Variants in ZNF552 observed in about 807,000 individuals in gnomAD.
ZNF552 encodes the protein zinc finger protein 552.
ZNF552 carries 2 observed loss-of-function variants against 7.2 expected under a neutral mutation model. The ratio of observed to expected loss-of-function variants is 0.28; its 90% CI spans 0.11 to 0.88. ZNF552 has a LOEUF of 0.88. ZNF552 is among the 40% of genes least tolerant of loss of function. ZNF552 has a pLI of 0.60. For synonymous variants in ZNF552, 173 were observed against 176.5 expected, an observed-to-expected ratio of 0.98 and a Z score of 0.16; for missense variants, 421 against 493.4, an observed-to-expected ratio of 0.85 and a Z score of 1.39.
At position 57,808,516 on chromosome 19, in the gene ZNF552, T is replaced by C; in HGVS notation, c.748A>G (p.Ser250Gly). The change falls in exon 3 of 3, where the codon AGC (serine) becomes GGC (glycine). Residue 250 changes from serine to glycine, a missense_variant. This residue lies in a region of ZNF552 where 299 missense variants were observed against 293.7 expected (regional missense o/e 1.02). Transcript: ENST00000391701. ...TGATTACTGAAGCTGTCATATTTGC[T>C]AGAGGATTTCCCACATTCACACCAC... ...SVWCECGKSS[S>G]KYDSFSNHQG... is the part of the protein sequence containing the mutation. The C allele has an allele frequency of 1.2e-6, 2 of 1,613,926 alleles. No homozygotes were observed. The highest frequency in any genetic ancestry group is 1.7e-6 in the Non-Finnish European group (2 of 1,179,832).
intron 2 of ZNF552, among the ~76,000 whole-genome samples, chr19:57,812,540 A>G (rs1220897303): frequency 6.6e-6 from 1 of 152,192 alleles, no homozygotes; most frequent in East Asian, 1.9e-4. Flanking sequence ...AACTCAGCAC[A>G]TGACAGCAGA....
At chr19:57,809,264 G>C (rs1263537863) in intron 2 of ZNF552, 161 bp from the exon 3 acceptor site, 3 of 1,503,660 alleles carry the variant, frequency 2.0e-6, no homozygotes, top group Non-Finnish European at 2.7e-6. Context: ...ATTATTACTG[G>C]ACTATAATGG....
chr19:57,814,278 G>A (rs1012407450), intron 1 of ZNF552: 7 of 590,982 alleles, frequency 1.2e-5, no homozygotes, highest in African/African-American at 1.1e-4. Flanking sequence ...GGGCCCCAAC[G>A]TCATCCCCTC....
At chr19:57,809,208 C>A (rs762648845) in intron 2 of ZNF552, 105 bp from the exon 3 acceptor site, 50 of 1,606,608 alleles carry the variant, frequency 3.1e-5, no homozygotes, top group Non-Finnish European at 4.2e-5. Context: ...CAAGGAAGTA[C>A]TTGGAGGAAC....
Position 57,807,438 on chromosome 19 carries a change from C to A in ZNF552, c.*602G>T, listed in dbSNP as rs1040463651. ...GGAGTGGTGGTGGTTGCCTGTAGTC[C>A]CAGCTATTAGGGAGGCTGAGGCAGG... is the stretch of plus-strand genomic sequence containing the variant. On this transcript the variant is annotated 3_prime_UTR_variant, in exon 3 of 3. Coordinates refer to ENST00000391701, the MANE Select transcript of ZNF552 (RefSeq NM_024762.3). The A allele has an allele frequency of 6.6e-6, 1 of 152,028 alleles. No individual in the cohort carries two copies. The highest frequency in any genetic ancestry group is 1.5e-5 in the Non-Finnish European group (1 of 68,070). 9.4% of individuals were successfully genotyped at this position (152,028 alleles called of 1,614,324 possible).
rs185254450 is a variant in ZNF552 at position 57,810,355 on chromosome 19, T to C, written c.161-1252A>G. ...TGGGGAAAAGAAAGAGAGATCAGAC[T>C]GTTACTGTGTCGATGTAGAAAGAAG... On this transcript the variant is annotated intron_variant, in intron 2 of 2. Transcript: ENST00000391701. 3.3e-3 allele frequency among the ~76,000 whole-genome samples: 496 copies of C among 152,214 alleles called. 3 individuals are homozygous for C. Among genetic ancestry groups the C allele is most frequent in the African/African-American group, 0.012 (484 of 41,542 alleles).
chr19:57,814,150 C>T (rs1319317281), intron 1 of ZNF552, among the ~76,000 whole-genome samples: 1 of 152,130 alleles, frequency 6.6e-6, no homozygotes, highest in Non-Finnish European at 1.5e-5. Context: ...GCTCAGGCCT[C>T]CCTGAACGCT....
At position 57,808,237 on chromosome 19, in the gene ZNF552, T is replaced by A; in HGVS notation, c.1027A>T (p.Lys343Ter). ...FTHSSTFRVH[K>*]RVHTGQKPYE... ...GGCTTCTGACCAGTGTGAACTCTCTTATGAACACGGAATGTAGAGCTGTGG... is the reference window on the plus strand; with the variant it reads ...GGCTTCTGACCAGTGTGAACTCTCTAATGAACACGGAATGTAGAGCTGTGG... The change falls in exon 3 of 3, where the codon AAG becomes TAG. Residue 343 changes from lysine to a stop codon, truncating the protein, a stop_gained. Coordinates refer to ENST00000391701, the MANE Select transcript of ZNF552 (RefSeq NM_024762.3). LOFTEE classifies it low-confidence loss of function (END_TRUNC). 1 of 1,614,062 alleles carries A rather than the reference T, an allele frequency of 6.2e-7. No homozygotes were observed. The highest frequency in any genetic ancestry group is 8.5e-7 in the Non-Finnish European group (1 of 1,180,008).
rs574059277 is a variant in ZNF552, at chr19:57,813,579, A to G, written c.34-159T>C. On this transcript the variant is annotated intron_variant, in intron 1 of 2. Transcript: ENST00000391701. Reference sequence around the variant, plus strand: ...TCATGGGGTACAGCCACCAACAACAATAGTTAGTTGAACAAATAGGTATCT... The same window carrying G: ...TCATGGGGTACAGCCACCAACAACAGTAGTTAGTTGAACAAATAGGTATCT... 3.9e-5 allele frequency among the ~76,000 whole-genome samples: 6 copies of G among 152,142 alleles called. No individual in the cohort carries two copies. The South Asian group carries it at 1.2e-3, about 32-fold the overall frequency.
intron 1 of ZNF552, 87 bp downstream of exon 1, chr19:57,814,624 G>A (rs60708695): frequency 4.4e-6 from 7 of 1,608,642 alleles, no homozygotes; most frequent in Non-Finnish European, 5.9e-6. Flanking sequence ...CCGGGTTGCA[G>A]AGCCGTAAAC....
At position 57,807,657 on chromosome 19, in the gene ZNF552, T is replaced by G. The variant is rs972226323; in HGVS notation, c.*383A>C. The G allele has an allele frequency of 1.6e-5, 3 of 184,388 alleles. No homozygotes were observed. The highest frequency in any genetic ancestry group is 3.4e-5 in the Non-Finnish European group (3 of 88,538). 11.4% of individuals were successfully genotyped at this position (184,388 alleles called of 1,614,324 possible). ...ATTTTTGAAACAGGGTCTCACTCTG[T>G]GGTCCAGACTGGACTGCAGTGTTGC... On this transcript the variant is annotated 3_prime_UTR_variant, in exon 3 of 3. Transcript: ENST00000391701.
chr19:57,808,944 G>C lies in ZNF552; in HGVS notation c.320C>G (p.Ala107Gly). 1 of 1,604,326 alleles carries C rather than the reference G, an allele frequency of 6.2e-7. No homozygotes were observed. The highest frequency in any genetic ancestry group is 1.1e-5 in the South Asian group (1 of 90,510). ...CTTGTGATGTGTTCCCTGATGATCT[G>C]CCACATGCAAAATGTCTCCCAAGAT... ...GPILGDILHVADHQGTHHKQK... is the reference protein window; with the variant it reads ...GPILGDILHVGDHQGTHHKQK... Residue 107 changes from alanine to glycine, a missense_variant, in exon 3 of 3, where the codon GCA (alanine) becomes GGA (glycine). Around this residue, in one of 2 missense-constraint regions of ZNF552, gnomAD observed 122 missense variants for 199.7 expected, o/e 0.61. Transcript: ENST00000391701.
In ZNF552 at chr19:57,813,413, A is replaced by C. The variant is rs753686514; in HGVS notation, c.41T>G (p.Val14Gly). 2 of 1,613,868 alleles carry C rather than the reference A, an allele frequency of 1.2e-6. No individual in the cohort carries two copies. The highest frequency in any genetic ancestry group is 2.2e-5 in the East Asian group (1 of 44,866). ...AALRFPVQGT[V>G]TFEDVAVKFT... is the part of the protein sequence containing the mutation. Reference sequence around the variant, plus strand: ...TTTCACAGCCACGTCTTCAAAAGTCACTGTGCCCTGTTATGATGTTGACAG... The same window carrying C: ...TTTCACAGCCACGTCTTCAAAAGTCCCTGTGCCCTGTTATGATGTTGACAG... The change falls in exon 2 of 3, where the codon GTG becomes GGG. Residue 14 changes from valine to glycine, a missense_variant. Val to Gly is a moderately radical substitution (Grantham distance 109). Coordinates refer to ENST00000391701, the MANE Select transcript of ZNF552 (RefSeq NM_024762.3).
At chr19:57,809,247 G>C (rs1236430543) in intron 2 of ZNF552, 144 bp from the exon 3 acceptor site, 1 of 1,542,748 alleles carries the variant, frequency 6.5e-7, no homozygotes, top group Non-Finnish European at 8.8e-7. Context: ...GGAAGATGGT[G>C]CTATGTATTA....
At chr19:57,811,232 G>A (rs1242390583) in intron 2 of ZNF552, among the ~76,000 whole-genome samples, 1 of 151,904 alleles carries the variant, frequency 6.6e-6, no homozygotes, top group African/African-American at 2.4e-5. Flanking sequence ...GAGTGCGGTG[G>A]CACAATCGCG....
intron 1 of ZNF552, among the ~76,000 whole-genome samples, chr19:57,813,790 G>A (rs1987903833): frequency 6.8e-6 from 1 of 147,280 alleles, no homozygotes; most frequent in South Asian, 2.2e-4. Flanking sequence ...TGTCACCCAG[G>A]GTGGAGTGCA....
chr19:57,814,724 C>G lies in ZNF552; in HGVS notation c.20G>C (p.Arg7Thr). MAAAAL[R>T]FPVQGTVTFE... is the part of the protein sequence containing the mutation. ...CGCCACAATTACCTGAACGGGGAAC[C>G]TTAGCGCGGCCGCCGCCATGGGACC... The change falls in exon 1 of 3, where the codon AGG becomes ACG. Residue 7 changes from arginine to threonine, a missense_variant. Arg to Thr is a moderately conservative substitution (Grantham distance 71). Coordinates refer to ENST00000391701, the MANE Select transcript of ZNF552 (RefSeq NM_024762.3). The G allele has an allele frequency of 1.2e-6, 2 of 1,613,992 alleles. No homozygotes were observed. The highest frequency in any genetic ancestry group is 1.7e-6 in the Non-Finnish European group (2 of 1,179,992).
At position 57,810,710 on chromosome 19, in the gene ZNF552, C is replaced by T. The variant is rs78261400; in HGVS notation, c.161-1607G>A. 1.9e-3 allele frequency among the ~76,000 whole-genome samples: 290 copies of T among 152,210 alleles called. 4 individuals carry two copies. The highest frequency in any genetic ancestry group is 6.6e-3 in the African/African-American group (276 of 41,518). On this transcript the variant is annotated intron_variant, in intron 2 of 2. Coordinates refer to ENST00000391701, the MANE Select transcript of ZNF552 (RefSeq NM_024762.3). Reference sequence around the variant, plus strand: ...GGAAGGGAAAGACCTGACAGCCCGACGCCAGTAAAGGGGCTGTGCTGAGGA... The same window carrying T: ...GGAAGGGAAAGACCTGACAGCCCGATGCCAGTAAAGGGGCTGTGCTGAGGA...
chr19:57,814,456 C>A (rs1480403343), intron 1 of ZNF552: 1 of 1,491,552 alleles, frequency 6.7e-7, no homozygotes, highest in Middle Eastern at 1.7e-4. Flanking sequence ...TTGTTCCCTA[C>A]AGGCGCCTGT....
Sources: gnomAD v4.1 joint callset for allele counts (sites outside exome capture counted in the v4.1 genomes callset) on GRCh38, gnomAD v4.1.1 for gene constraint, gnomAD v4.1.1 regional missense constraint, MANE v1.5 for transcripts, NCBI Gene and HGNC (gene_info 2026-07-23, HGNC 2026-07-21) for gene names.